The following ELMO1 variants were observed in gnomAD, a reference collection of about 807,000 sequenced individuals.
The protein encoded by ELMO1 is engulfment and cell motility protein 1.
ELMO1 carries 26 observed loss-of-function variants against 98.9 expected under a neutral mutation model. The ratio of observed to expected loss-of-function variants is 0.26; its 90% CI spans 0.19 to 0.36. The LOEUF (loss-of-function observed/expected upper bound fraction) is 0.36, where lower values mean the gene tolerates loss of function less well. Ranked by LOEUF, ELMO1 falls within the 10% of genes least tolerant of loss-of-function variation. The pLI is 1.00. For synonymous variants in ELMO1, 346 were observed against 346.0 expected (o/e 1.00, Z 0.00); for missense variants, 627 against 935.2 (o/e 0.67, Z 4.30).
At chr7:37,382,694 G>A (rs566547460) in intron 1 of ELMO1, among the ~76,000 whole-genome samples, 3 of 152,050 alleles carry the variant, frequency 2.0e-5, no homozygotes, top group Admixed American at 2.0e-4. Context: ...CCCACAGTCT[G>A]CCACCCTGGG....
rs1794041116 is a variant in ELMO1 at position 37,017,986 on chromosome 7, A to C, written c.1301-4551T>G. Among the ~76,000 whole-genome samples the C allele has an allele frequency of 2.0e-5, 3 of 151,788 alleles. 1 individual carries two copies. The South Asian group carries it at 6.2e-4, about 32-fold the overall frequency. ...GTGCCATAGAACTTTAGACAAATAA[A>C]CCCCCCTGAACCTGTTTCCTCATCT... On this transcript the variant is annotated intron_variant, in intron 15 of 21. Transcript: ENST00000310758.
intron 13 of ELMO1, among the ~76,000 whole-genome samples, chr7:37,161,112 G>A (rs1368130763): frequency 6.6e-6 from 1 of 152,164 alleles, no homozygotes; most frequent in Admixed American, 6.5e-5. Context: ...GCTCTTGTGA[G>A]GAGGCAGCTG....
intron 13 of ELMO1, chr7:37,204,380 T>C (rs1488626536): frequency 5.4e-6 from 2 of 368,886 alleles, no homozygotes; most frequent in Non-Finnish European, 1.1e-5. Flanking sequence ...CGGTGAGTGT[T>C]ACAGTTCATA....
At chr7:37,191,068 G>T in intron 13 of ELMO1, among the ~76,000 whole-genome samples, 1 of 150,792 alleles carries the variant, frequency 6.6e-6, no homozygotes, top group Non-Finnish European at 1.5e-5. Flanking sequence ...GGGCGCCTGT[G>T]GTCCCAGCTA....
At chr7:37,113,871 CA>C (rs1443448507) in intron 14 of ELMO1, among the ~76,000 whole-genome samples, 2 of 152,030 alleles carry the variant, frequency 1.3e-5, no homozygotes, top group Non-Finnish European at 2.9e-5. Context: ...GTTTACAAGC[CA>C]AAAAGGGAGG....
rs555219414 is a variant in ELMO1, at chr7:36,889,965, T to A, written c.1602-2293A>T. 3.3e-5 allele frequency among the ~76,000 whole-genome samples: 5 copies of A among 152,332 alleles called. No individual in the cohort carries two copies. In the South Asian group the frequency reaches 1.0e-3, roughly 32 times the overall value. Reference sequence around the variant, plus strand: ...TTTTTCAAAGCAATTTCTTCTTTCCTGGCGAATGGACTCAGTAGCCGTAAA... The same window carrying A: ...TTTTTCAAAGCAATTTCTTCTTTCCAGGCGAATGGACTCAGTAGCCGTAAA... On this transcript the variant is annotated intron_variant, in intron 17 of 21. Coordinates refer to ENST00000310758, the MANE Select transcript of ELMO1 (RefSeq NM_014800.11).
At chr7:36,965,266 T>G (rs528810482) in intron 16 of ELMO1, among the ~76,000 whole-genome samples, 1 of 152,296 alleles carries the variant, frequency 6.6e-6, no homozygotes, top group Non-Finnish European at 1.5e-5. Flanking sequence ...GACAGTCCCC[T>G]TGTCTTTCCT....
Position 37,007,216 on chromosome 7 carries a change from T to C in ELMO1, c.1437+6083A>G, listed in dbSNP as rs138140581. Among the ~76,000 whole-genome samples the C allele has an allele frequency of 5.2e-3, 798 of 152,290 alleles. 2 individuals carry two copies. Among genetic ancestry groups the C allele is most frequent in the Non-Finnish European group, 7.8e-3 (533 of 68,008 alleles). ...AAATGCTTGTTAATCGCCTAGACAGTTGAAAAATGGAAAAGCTCAGTGTAG... is the reference window on the plus strand; with the variant it reads ...AAATGCTTGTTAATCGCCTAGACAGCTGAAAAATGGAAAAGCTCAGTGTAG... On this transcript the variant is annotated intron_variant, in intron 16 of 21. Coordinates refer to ENST00000310758, the MANE Select transcript of ELMO1 (RefSeq NM_014800.11).
At chr7:37,027,188 T>TA (rs1223599762) in intron 15 of ELMO1, among the ~76,000 whole-genome samples, 1 of 152,182 alleles carries the variant, frequency 6.6e-6, no homozygotes, top group African/African-American at 2.4e-5. Flanking sequence ...GTGTAGGTGT[T>TA]CTCTTAAAAG....
chr7:37,171,015 C>G (rs1421154290), intron 13 of ELMO1, among the ~76,000 whole-genome samples: 5 of 152,084 alleles, frequency 3.3e-5, no homozygotes, highest in Admixed American at 2.0e-4. Context: ...CTTTATAGCA[C>G]AAAGGGCAAA....
chr7:37,077,076 C>G (rs982769258), intron 15 of ELMO1, among the ~76,000 whole-genome samples: 1 of 152,234 alleles, frequency 6.6e-6, no homozygotes, highest in Admixed American at 6.5e-5. Context: ...CCCGCTCCAA[C>G]CCGTGCAGCC....
intron 13 of ELMO1, among the ~76,000 whole-genome samples, chr7:37,176,139 A>G (rs906131542): frequency 6.6e-6 from 1 of 152,194 alleles, no homozygotes; most frequent in African/African-American, 2.4e-5. Context: ...TATAGCCTAC[A>G]ATGGGCTAGG....
At chr7:37,300,478 AG>A (rs926971566) in intron 4 of ELMO1, among the ~76,000 whole-genome samples, 2 of 16,908 alleles carry the variant, frequency 1.2e-4, no homozygotes, top group African/African-American at 3.5e-4. Context: ...TTTAGCATGA[AG>A]GGTTGTTGAA....
chr7:37,300,970 T>C (rs2131020235), intron 4 of ELMO1, among the ~76,000 whole-genome samples: 1 of 152,172 alleles, frequency 6.6e-6, no homozygotes, highest in South Asian at 2.1e-4. Context: ...TATTAAGAGA[T>C]TCAACTTCTT....
intron 1 of ELMO1, among the ~76,000 whole-genome samples, chr7:37,395,150 G>A (rs1434777929): frequency 1.3e-5 from 2 of 152,094 alleles, no homozygotes; most frequent in Non-Finnish European, 2.9e-5. Context: ...CAGATCACCT[G>A]AGGTCGGGAG....
At chr7:37,344,216 G>A (rs1800875923) in intron 1 of ELMO1, among the ~76,000 whole-genome samples, 1 of 151,958 alleles carries the variant, frequency 6.6e-6, no homozygotes, top group South Asian at 2.1e-4. Context: ...ATTTTTAGTA[G>A]AGACAGGGTT....
At chr7:37,333,886 T>C (rs1159450245) in intron 2 of ELMO1, among the ~76,000 whole-genome samples, 1 of 152,194 alleles carries the variant, frequency 6.6e-6, no homozygotes, top group African/African-American at 2.4e-5. Context: ...GTACTCTCTG[T>C]AAAGGAGAGG....
chr7:37,294,563 T>C (rs545558617), intron 4 of ELMO1, among the ~76,000 whole-genome samples: 1 of 152,306 alleles, frequency 6.6e-6, no homozygotes, highest in Admixed American at 6.5e-5. Flanking sequence ...CTACATTCTA[T>C]TCTAGAGAAA....
intron 20 of ELMO1, 150 bp from the exon 21 acceptor site, chr7:36,861,886 C>A: frequency 1.4e-6 from 1 of 701,698 alleles, no homozygotes; most frequent in East Asian, 2.6e-5. Context: ...GAACCATGCT[C>A]TTCAAGGTTC....
Sources: gnomAD v4.1 joint callset for allele counts (sites outside exome capture counted in the v4.1 genomes callset) on GRCh38, gnomAD v4.1.1 for gene constraint, MANE v1.5 for transcripts, NCBI Gene and HGNC (gene_info 2026-07-23, HGNC 2026-07-21) for gene names.